Variants in TNNI3K observed in about 807,000 individuals in gnomAD.
The protein encoded by TNNI3K is TNNI3 interacting kinase.
In TNNI3K, 140 loss-of-function variants were observed where a neutral mutation model predicts 114.5. The observed-to-expected ratio is 1.22, with a 90% CI of 1.07 to 1.41. The LOEUF is 1.41. Among genes scored for constraint, TNNI3K ranks in the 40% most tolerant of loss-of-function variants. The probability of loss-of-function intolerance (pLI) is 0.00; values close to 1 mark genes in which losing one functional copy is unlikely to be tolerated. For missense variants in TNNI3K, 1,125 were observed against 1,007.6 expected (o/e 1.12, Z -1.58); for synonymous variants, 347 against 347.5 (o/e 1.00, Z 0.02).
chr1:74,275,971 A>G (rs1656660003), intron 5 of TNNI3K, among the ~76,000 whole-genome samples: 1 of 152,110 alleles, frequency 6.6e-6, no homozygotes, highest in Non-Finnish European at 1.5e-5. Flanking sequence ...TTGAGAAAAT[A>G]TTTCAGCAAG....
At chr1:74,390,185 A>G (rs1415889578) in intron 17 of TNNI3K, among the ~76,000 whole-genome samples, 1 of 152,140 alleles carries the variant, frequency 6.6e-6, no homozygotes, top group East Asian at 1.9e-4. Flanking sequence ...TTCCTAAAGG[A>G]AAACTCTGGA....
At chr1:74,475,642 A>G in intron 21 of TNNI3K, 1 of 717,166 alleles carries the variant, frequency 1.4e-6, no homozygotes, top group Non-Finnish European at 2.6e-6. Context: ...TTCCTGAGTT[A>G]AGTGGCAGTT....
chr1:74,444,847 G>A (rs1434370647), intron 20 of TNNI3K, among the ~76,000 whole-genome samples: 2 of 150,590 alleles, frequency 1.3e-5, no homozygotes, highest in African/African-American at 2.4e-5. Context: ...TAGACCAATG[G>A]AAGAGAACAA....
At chr1:74,356,319 G>T (rs1378701742) in intron 11 of TNNI3K, among the ~76,000 whole-genome samples, 1 of 152,082 alleles carries the variant, frequency 6.6e-6, no homozygotes, top group Non-Finnish European at 1.5e-5. Flanking sequence ...GCTATTAAGA[G>T]TACTGTGTTA....
chr1:74,375,493 A>C (rs2100535306), intron 17 of TNNI3K: 1 of 440,484 alleles, frequency 2.3e-6, no homozygotes, highest in African/African-American at 2.0e-5. Flanking sequence ...AAGATTAGAA[A>C]CCTCCCCAGA....
intron 2 of TNNI3K, 21 bp downstream of exon 2, chr1:74,236,231 A>C: frequency 6.3e-7 from 1 of 1,585,398 alleles, no homozygotes; most frequent in Non-Finnish European, 8.6e-7. Flanking sequence ...AAGAGTCATT[A>C]TTTCTTTGTA....
intron 3 of TNNI3K, among the ~76,000 whole-genome samples, chr1:74,250,072 T>C (rs45533431): frequency 0.013 from 1,932 of 152,316 alleles, 48 homozygotes; most frequent in African/African-American, 0.044. Context: ...AGTAAAGTTA[T>C]TGAATTAATG....
In TNNI3K at chr1:74,245,119, T is replaced by G. The variant is rs186548572; in HGVS notation, c.150-4340T>G. ...TCTCACATAATATCTACGGAGAAAT[T>G]CAGGAAAATCCTTCCAAAAAGAAAG... On this transcript the variant is annotated intron_variant, in intron 2 of 24. Transcript: ENST00000326637. Among the ~76,000 whole-genome samples, 27 of 152,248 alleles carry G rather than the reference T, an allele frequency of 1.8e-4. No homozygotes were observed. The East Asian group carries it at 5.2e-3, about 29-fold the overall frequency.
intron 11 of TNNI3K, among the ~76,000 whole-genome samples, chr1:74,355,899 T>C (rs1422634286): frequency 1.3e-5 from 2 of 152,200 alleles, no homozygotes; most frequent in Non-Finnish European, 2.9e-5. Flanking sequence ...ATTTGAATAT[T>C]GTATAAATAC....
chr1:74,441,685 G>GC (rs1666380980), intron 20 of TNNI3K, among the ~76,000 whole-genome samples: 1 of 152,024 alleles, frequency 6.6e-6, no homozygotes, highest in Admixed American at 6.6e-5. Context: ...TATATATTAG[G>GC]CATTTGAGTG....
At chr1:74,542,870 G>A (rs1646742192) in intron 24 of TNNI3K, among the ~76,000 whole-genome samples, 1 of 152,098 alleles carries the variant, frequency 6.6e-6, no homozygotes, top group Non-Finnish European at 1.5e-5. Flanking sequence ...ACAGTGGCCT[G>A]ATCCTGAGCC....
chr1:74,518,396 G>A (rs972983044), intron 23 of TNNI3K, among the ~76,000 whole-genome samples: 2 of 151,724 alleles, frequency 1.3e-5, no homozygotes, highest in African/African-American at 2.4e-5. Flanking sequence ...CAGCATTTTC[G>A]TTCTTCTTCT....
chr1:74,508,540 A>G (rs753100334), intron 23 of TNNI3K, among the ~76,000 whole-genome samples: 6 of 152,236 alleles, frequency 3.9e-5, no homozygotes, highest in Non-Finnish European at 7.3e-5. Context: ...CACAAAAGAC[A>G]GAGAGAAAAG....
chr1:74,441,013 A>G (rs1176610241), intron 20 of TNNI3K, among the ~76,000 whole-genome samples: 2 of 152,050 alleles, frequency 1.3e-5, no homozygotes, highest in East Asian at 3.9e-4. Context: ...ACCACTTACC[A>G]TCATCCACCA....
chr1:74,529,933 C>T (rs17095531), intron 23 of TNNI3K, among the ~76,000 whole-genome samples: 5,375 of 152,172 alleles, frequency 0.035, 319 homozygotes, highest in African/African-American at 0.12. Context: ...TGTCCTTTCT[C>T]CTGTGTTGAA....
At chr1:74,383,032 G>A (rs929733150) in intron 17 of TNNI3K, among the ~76,000 whole-genome samples, 3 of 151,860 alleles carry the variant, frequency 2.0e-5, no homozygotes, top group African/African-American at 7.3e-5. Flanking sequence ...TTAAAGGAAA[G>A]GATTGATTAC....
chr1:74,458,919 C>T (rs966692730), intron 20 of TNNI3K, among the ~76,000 whole-genome samples: 10 of 152,166 alleles, frequency 6.6e-5, no homozygotes, highest in African/African-American at 2.4e-4. Flanking sequence ...CTCCCTTCCT[C>T]CTCTAGTAGT....
chr1:74,462,714 A>T (rs1667503222), intron 20 of TNNI3K, among the ~76,000 whole-genome samples: 1 of 152,210 alleles, frequency 6.6e-6, no homozygotes, highest in South Asian at 2.1e-4. Flanking sequence ...TATAGAAATC[A>T]TTAGTTGCAG....
intron 7 of TNNI3K, among the ~76,000 whole-genome samples, chr1:74,340,574 C>T (rs764911534): frequency 6.6e-6 from 1 of 152,154 alleles, no homozygotes; most frequent in Non-Finnish European, 1.5e-5. Context: ...AATAATGTTT[C>T]AGCCACTGTG....
Sources: allele counts gnomAD v4.1 joint callset (sites outside exome capture counted in the v4.1 genomes callset), GRCh38; gene constraint gnomAD v4.1.1; transcripts MANE v1.5; gene names NCBI Gene and HGNC (gene_info 2026-07-23, HGNC 2026-07-21).